WWOX: variants seen among roughly 807,000 people sequenced by gnomAD.
WWOX encodes the protein WW domain-containing oxidoreductase.
A neutral mutation model predicts 46.2 loss-of-function variants in WWOX; 69 were observed. The observed-to-expected ratio is 1.49, with a 90% CI of 1.23 to 1.82. The LOEUF (loss-of-function observed/expected upper bound fraction) is 1.82, where lower values mean the gene tolerates loss of function less well. WWOX is among the 40% of genes most tolerant of loss of function. The pLI is 0.00. For missense variants in WWOX, 919 were observed against 542.6 expected, an observed-to-expected ratio of 1.69 and a Z score of -6.89; for synonymous variants, 359 against 202.6, an observed-to-expected ratio of 1.77 and a Z score of -6.56.
intron 8 of WWOX, among the ~76,000 whole-genome samples, chr16:79,006,110 G>GT (rs1219243248): frequency 2.0e-4 from 31 of 152,350 alleles, no homozygotes; most frequent in African/African-American, 7.2e-4. Context: ...GTCCAGTGGG[G>GT]TGAGGGTGGC....
intron 5 of WWOX, among the ~76,000 whole-genome samples, chr16:78,311,027 C>CT (rs1022888369): frequency 5.8e-4 from 89 of 152,286 alleles, no homozygotes; most frequent in African/African-American, 2.0e-3. Flanking sequence ...ACCTAGTGCA[C>CT]TGAAAGTCTG....
intron 8 of WWOX, among the ~76,000 whole-genome samples, chr16:79,181,524 G>A (rs1041530295): frequency 2.0e-5 from 3 of 151,936 alleles, no homozygotes; most frequent in Admixed American, 1.3e-4. Context: ...TATGCAGAAC[G>A]ATTTCCTCGT....
At chr16:78,881,189 G>T (rs1312265203) in intron 8 of WWOX, among the ~76,000 whole-genome samples, 1 of 151,802 alleles carries the variant, frequency 6.6e-6, no homozygotes, top group African/African-American at 2.4e-5. Flanking sequence ...TTTTGGTACA[G>T]ATGGGATTTT....
intron 4 of WWOX, among the ~76,000 whole-genome samples, chr16:78,131,099 T>G (rs1016375848): frequency 6.6e-6 from 1 of 152,166 alleles, no homozygotes; most frequent in Non-Finnish European, 1.5e-5. Flanking sequence ...AAAAATACAG[T>G]GTTGTAATCT....
intron 8 of WWOX, among the ~76,000 whole-genome samples, chr16:78,728,214 G>A (rs960327657): frequency 4.6e-5 from 7 of 151,568 alleles, no homozygotes; most frequent in African/African-American, 1.7e-4. Context: ...ACGGACACAT[G>A]CCACTACACC....
At chr16:78,440,759 C>G (rs1232251386) in intron 8 of WWOX, among the ~76,000 whole-genome samples, 1 of 151,940 alleles carries the variant, frequency 6.6e-6, no homozygotes, top group Non-Finnish European at 1.5e-5. Context: ...GCTGGGATTA[C>G]AAGCACTGGC....
At chr16:78,898,264 A>G (rs929229727) in intron 8 of WWOX, 3 of 152,140 alleles carry the variant, frequency 2.0e-5, no homozygotes, top group East Asian at 1.9e-4. Flanking sequence ...TAGACACTCC[A>G]TAACTTCAAT....
intron 8 of WWOX, among the ~76,000 whole-genome samples, chr16:78,765,240 A>T (rs1023365302): frequency 1.3e-5 from 2 of 152,240 alleles, no homozygotes; most frequent in African/African-American, 4.8e-5. Context: ...AAAGGCAGAA[A>T]GTCCAGGAAG....
chr16:79,173,640 G>GAA (rs57035134), intron 8 of WWOX, among the ~76,000 whole-genome samples: 38 of 138,338 alleles, frequency 2.7e-4, no homozygotes, highest in East Asian at 2.5e-3. Flanking sequence ...AAAATTTGAA[G>GAA]AAAAAAAAAA....
chr16:78,730,699 A>G lies in WWOX; in HGVS notation c.1056+297947A>G, dbSNP rs554469721. ...GGTCTTGAACTCCTGGGCTCAAGCG[A>G]TACTCCCTCCTTATCCTCCCAAAGT... On this transcript the variant is annotated intron_variant, in intron 8 of 8. Transcript: ENST00000566780. Among the ~76,000 whole-genome samples, 3 of 147,948 alleles carry G rather than the reference A, an allele frequency of 2.0e-5. No individual in the cohort carries two copies. In the South Asian group the frequency reaches 6.5e-4, roughly 32 times the overall value.
intron 8 of WWOX, among the ~76,000 whole-genome samples, chr16:78,953,411 C>G (rs1375389001): frequency 6.6e-6 from 1 of 152,128 alleles, no homozygotes; most frequent in Non-Finnish European, 1.5e-5. Context: ...AAAATTCAAA[C>G]CTAGTCAAAT....
chr16:79,154,070 C>G (rs907348559), intron 8 of WWOX, among the ~76,000 whole-genome samples: 22 of 152,202 alleles, frequency 1.4e-4, no homozygotes, highest in African/African-American at 5.3e-4. Flanking sequence ...GGCCTCCATT[C>G]TAACATGCTG....
chr16:78,912,639 T>C (rs1354183381), intron 8 of WWOX, among the ~76,000 whole-genome samples: 1 of 152,042 alleles, frequency 6.6e-6, no homozygotes, highest in African/African-American at 2.4e-5. Context: ...TTTCTTATCA[T>C]TTAATGTCCC....
chr16:78,753,150 A>C (rs1251772993), intron 8 of WWOX, among the ~76,000 whole-genome samples: 3 of 152,040 alleles, frequency 2.0e-5, no homozygotes, highest in Admixed American at 6.5e-5. Flanking sequence ...CAAAAACAAA[A>C]TTAGCCGGGC....
intron 8 of WWOX, among the ~76,000 whole-genome samples, chr16:78,998,450 G>C (rs1467534260): frequency 2.6e-5 from 4 of 152,156 alleles, no homozygotes; most frequent in African/African-American, 9.7e-5. Flanking sequence ...AAGACAGTCA[G>C]TTTTAAAGAT....
chr16:79,055,306 C>G (rs1052450745), intron 8 of WWOX, among the ~76,000 whole-genome samples: 22 of 152,270 alleles, frequency 1.4e-4, no homozygotes, highest in African/African-American at 5.1e-4. Context: ...AGATGAATAT[C>G]AATTCTTTTC....
intron 5 of WWOX, among the ~76,000 whole-genome samples, chr16:78,373,887 A>G (rs2081754921): frequency 6.6e-6 from 1 of 152,146 alleles, no homozygotes; most frequent in Non-Finnish European, 1.5e-5. Context: ...TCCTGAGTTC[A>G]AGCAATCCTC....
intron 8 of WWOX, among the ~76,000 whole-genome samples, chr16:78,595,867 G>A (rs1041398873): frequency 4.6e-5 from 7 of 152,144 alleles, no homozygotes; most frequent in African/African-American, 1.4e-4. Flanking sequence ...TCACCTTTCT[G>A]TGCAACAGGG....
chr16:78,541,570 G>C (rs1024769809), intron 8 of WWOX, among the ~76,000 whole-genome samples: 1 of 150,732 alleles, frequency 6.6e-6, no homozygotes, highest in African/African-American at 2.4e-5. Context: ...CTTGTCTCTG[G>C]ATAGGATAGG....
Sources: allele counts gnomAD v4.1 joint callset (sites outside exome capture counted in the v4.1 genomes callset), GRCh38; gene constraint gnomAD v4.1.1; transcripts MANE v1.5; gene names NCBI Gene and HGNC (gene_info 2026-07-23, HGNC 2026-07-21).